The following KDM4B variants were observed in gnomAD, a reference collection of about 807,000 sequenced individuals.
KDM4B encodes the protein lysine demethylase 4B.
In KDM4B, 32 loss-of-function variants were observed where a neutral mutation model predicts 125.2. That is an observed-to-expected ratio of 0.26 (90% CI 0.19 to 0.34). The LOEUF (loss-of-function observed/expected upper bound fraction) is 0.34, where lower values mean the gene tolerates loss of function less well. Among genes scored for constraint, KDM4B ranks in the 10% least tolerant of loss-of-function variants. The pLI, the probability that KDM4B is intolerant of heterozygous loss-of-function variation, is 1.00. For synonymous variants in KDM4B, 721 were observed against 677.9 expected (o/e 1.06, Z -0.99); for missense variants, 1,190 against 1,577.7 (o/e 0.75, Z 4.16).
At chr19:5,093,579 G>A (rs1205413952) in intron 9 of KDM4B, among the ~76,000 whole-genome samples, 8 of 152,224 alleles carry the variant, frequency 5.3e-5, no homozygotes, top group Admixed American at 3.9e-4. Flanking sequence ...GGGCCCACTC[G>A]TCCTTCCCAC....
intron 10 of KDM4B, among the ~76,000 whole-genome samples, chr19:5,117,864 TGTG>T (rs1364757084): frequency 1.3e-5 from 2 of 152,216 alleles, no homozygotes; most frequent in African/African-American, 4.8e-5. Context: ...CTTGAGTCAT[TGTG>T]GTGGGCCATG....
chr19:5,029,776 G>T (rs2036392462), intron 2 of KDM4B, among the ~76,000 whole-genome samples: 1 of 152,218 alleles, frequency 6.6e-6, no homozygotes, highest in South Asian at 2.1e-4. Flanking sequence ...GCAGTGAACC[G>T]TGACCGTGCC....
At chr19:5,113,902 C>T (rs1423155085) in intron 10 of KDM4B, 6 of 1,201,568 alleles carry the variant, frequency 5.0e-6, no homozygotes, top group Admixed American at 6.7e-5. Context: ...CCATGGGGTG[C>T]GGATGGTTCG....
chr19:5,146,763 C>T (rs1034010351), intron 21 of KDM4B, among the ~76,000 whole-genome samples: 3 of 135,930 alleles, frequency 2.2e-5, no homozygotes, highest in Admixed American at 2.2e-4. Flanking sequence ...CCCCCCCCCC[C>T]CCACAATCTC....
intron 9 of KDM4B, 148 bp from the exon 10 acceptor site, chr19:5,110,474 A>C (rs2039118556): frequency 6.8e-6 from 5 of 738,272 alleles, no homozygotes; most frequent in Non-Finnish European, 1.1e-5. Flanking sequence ...CGTGTCTCGA[A>C]AAGAAAAATG....
At chr19:4,988,400 G>A (rs918531528) in intron 1 of KDM4B, among the ~76,000 whole-genome samples, 6 of 151,854 alleles carry the variant, frequency 4.0e-5, no homozygotes, top group African/African-American at 9.7e-5. Context: ...CTCAGCCTCC[G>A]GAGTAGCTGG....
chr19:5,020,045 AG>A (rs575658400), intron 2 of KDM4B, among the ~76,000 whole-genome samples: 111 of 110,550 alleles, frequency 1.0e-3, no homozygotes, highest in African/African-American at 3.9e-3. Flanking sequence ...GTTGGTGTGC[AG>A]GTGTCGGTGT....
At chr19:5,042,722 G>C (rs558885092) in intron 5 of KDM4B, among the ~76,000 whole-genome samples, 1 of 151,292 alleles carries the variant, frequency 6.6e-6, no homozygotes, top group South Asian at 2.1e-4. Context: ...CAGGTTTCGC[G>C]AGCACTCACT....
At chr19:5,090,615 T>C in intron 9 of KDM4B, among the ~76,000 whole-genome samples, 1 of 88,458 alleles carries the variant, frequency 1.1e-5, no homozygotes, top group African/African-American at 5.1e-5. Flanking sequence ...TCTCTCTCTC[T>C]GTCTCCCCGC....
intron 9 of KDM4B, among the ~76,000 whole-genome samples, chr19:5,102,869 C>T (rs529152540): frequency 8.5e-5 from 13 of 152,304 alleles, no homozygotes; most frequent in South Asian, 8.3e-4. Context: ...GGTGCTGTGG[C>T]GATACTAAGT....
At position 5,035,880 on chromosome 19, in the gene KDM4B, T is replaced by TGTGTGTGTGTGTGTGTGTGTGCGC. The variant is rs58219404; in HGVS notation, c.141+2850_141+2851insTGTGTGTGTGTGTGTGTGTGCGCG. ...ACGTGTCTCTGTGTGTGTGTGTGTGTGCGCGCGCGCGCGCGCCTGCGCGCA... is the reference window on the plus strand; with the variant it reads ...ACGTGTCTCTGTGTGTGTGTGTGTGTGTGTGTGTGTGTGTGTGTGTGCGCGCGCGCGCGCGCGCGCCTGCGCGCA... On this transcript the variant is annotated intron_variant, in intron 3 of 22. Transcript: ENST00000159111. The surrounding 1 kb of genome is among the most constrained non-coding windows in gnomAD (Gnocchi z 5.3). Among the ~76,000 whole-genome samples, 58 of 136,500 alleles carry TGTGTGTGTGTGTGTGTGTGTGCGC rather than the reference T, an allele frequency of 4.2e-4. No homozygotes were observed. Among genetic ancestry groups the TGTGTGTGTGTGTGTGTGTGTGCGC allele is most frequent in the African/African-American group, 1.4e-3 (53 of 37,900 alleles). The allele number at this position is 136,500 out of a possible 152,430, so 89.5% of individuals were successfully genotyped here.
At chr19:5,088,419 G>A (rs763044645) in intron 9 of KDM4B, among the ~76,000 whole-genome samples, 3 of 152,164 alleles carry the variant, frequency 2.0e-5, no homozygotes, top group African/African-American at 7.2e-5. Flanking sequence ...CGGACACCAC[G>A]GATACAAACC....
chr19:5,132,061 G>T, intron 13 of KDM4B, 54 bp downstream of exon 13: 1 of 1,510,116 alleles, frequency 6.6e-7, no homozygotes, highest in South Asian at 1.3e-5. Context: ...GCGCTCTGCT[G>T]CTGCTGGAGG....
intron 1 of KDM4B, among the ~76,000 whole-genome samples, chr19:4,993,654 A>C (rs1258189510): frequency 6.6e-6 from 1 of 151,338 alleles, no homozygotes; most frequent in African/African-American, 2.4e-5. Flanking sequence ...ACTTTTGCCC[A>C]GTCTGGAGTG....
At position 5,131,097 on chromosome 19, in the gene KDM4B, G is replaced by A. The variant is rs993718687; in HGVS notation, c.1337G>A (p.Arg446Gln). The A allele has an allele frequency of 4.6e-6, 7 of 1,513,084 alleles. No individual in the cohort carries two copies. The highest frequency in any genetic ancestry group is 2.3e-5 in the East Asian group (1 of 43,820). The allele number at this position is 1,513,084 out of a possible 1,614,324, so 93.7% of individuals were successfully genotyped here. A position where few individuals can be genotyped will look rare whatever the true frequency, so the allele number is the denominator to read the frequency against. The change falls in exon 12 of 23, where the codon CGG becomes CAG. Residue 446 changes from arginine (R) to glutamine (Q), a missense_variant. By Grantham distance (43) the Arg-to-Gln change is conservative (BLOSUM62 1). This residue lies in a region of KDM4B where 428 missense variants were observed against 405.1 expected (regional missense o/e 1.06). Coordinates refer to ENST00000159111, the MANE Select transcript of KDM4B (RefSeq NM_015015.3). ...ACAGAGGACGGGAGGGGCAAGCTGC[G>A]GCCAACCAAGGCCAAGAGCGAGCGG... is the stretch of plus-strand genomic sequence containing the variant. ...GAEEDGRGKL[R>Q]PTKAKSERKK...
rs1033486924 is a variant in KDM4B at position 5,142,508 on chromosome 19, G to A, written c.2551-1459G>A. The stretch of plus-strand genomic sequence containing the variant: ...GGTCATGGGCTGCCTGCTACCACGA[G>A]GCGGAAGGGGATGGTGCTGGGCACC... On this transcript the variant is annotated intron_variant, in intron 18 of 22. Transcript: ENST00000159111. The surrounding 1 kb of genome is among the most constrained non-coding windows in gnomAD (Gnocchi z 5.4). 6.6e-6 allele frequency among the ~76,000 whole-genome samples: 1 copy of A among 152,188 alleles called. No homozygotes were observed. Among genetic ancestry groups the A allele is most frequent in the African/African-American group, 2.4e-5 (1 of 41,456 alleles).
intron 9 of KDM4B, among the ~76,000 whole-genome samples, chr19:5,105,815 G>T (rs1289401602): frequency 6.6e-6 from 1 of 152,196 alleles, no homozygotes; most frequent in African/African-American, 2.4e-5. Flanking sequence ...TGAATGTTCA[G>T]CCCTGCCCTT....
intron 10 of KDM4B, among the ~76,000 whole-genome samples, chr19:5,117,600 C>A (rs956123501): frequency 6.6e-6 from 1 of 152,170 alleles, no homozygotes; most frequent in African/African-American, 2.4e-5. Context: ...GGGCAGGCAC[C>A]CAGCATTTGC....
At chr19:5,002,715 C>T (rs1006849019) in intron 1 of KDM4B, among the ~76,000 whole-genome samples, 7 of 150,256 alleles carry the variant, frequency 4.7e-5, no homozygotes, top group Admixed American at 4.7e-4. Flanking sequence ...AGTCCCCGGA[C>T]TGTGGGAGGA....
Sources: allele counts gnomAD v4.1 joint callset (sites outside exome capture counted in the v4.1 genomes callset), GRCh38; gene constraint gnomAD v4.1.1; regional missense constraint gnomAD v4.1.1; non-coding constraint Gnocchi (gnomAD v3.1); transcripts MANE v1.5; gene names NCBI Gene and HGNC (gene_info 2026-07-23, HGNC 2026-07-21).